Variants in ABCA12 observed in about 807,000 individuals in gnomAD.
ABCA12 encodes the protein ATP binding cassette subfamily A member 12, also known as glucosylceramide transporter ABCA12.
Under a neutral mutation model 293.5 loss-of-function variants are expected in ABCA12, and 156 were observed. The observed-to-expected ratio is 0.53, with a 90% CI of 0.47 to 0.61. The LOEUF (loss-of-function observed/expected upper bound fraction) is 0.61, where lower values mean the gene tolerates loss of function less well. Among genes scored for constraint, ABCA12 ranks in the 20% least tolerant of loss-of-function variants. The probability of loss-of-function intolerance (pLI) is 0.00; values close to 1 mark genes in which losing one functional copy is unlikely to be tolerated. For missense variants in ABCA12, 2,797 were observed against 3,090.2 expected, an observed-to-expected ratio of 0.91 and a Z score of 2.25; for synonymous variants, 1,063 against 1,108.0, an observed-to-expected ratio of 0.96 and a Z score of 0.81.
At chr2:215,119,505 T>C (rs1702756554) in intron 1 of ABCA12, among the ~76,000 whole-genome samples, 1 of 152,024 alleles carries the variant, frequency 6.6e-6, no homozygotes, top group Non-Finnish European at 1.5e-5. Flanking sequence ...ACGGGTCCAG[T>C]TTTATTCTTC....
At chr2:215,040,084 A>T (rs921111185) in intron 7 of ABCA12, among the ~76,000 whole-genome samples, 1 of 152,160 alleles carries the variant, frequency 6.6e-6, no homozygotes, top group African/African-American at 2.4e-5. Flanking sequence ...ATCAGTTTTT[A>T]AAATTTAAAT....
chr2:214,969,241 T>G (rs539647470), intron 37 of ABCA12, among the ~76,000 whole-genome samples: 2 of 152,088 alleles, frequency 1.3e-5, no homozygotes, highest in African/African-American at 4.8e-5. Flanking sequence ...TCCCCTATAT[T>G]GTCCCCAGAC....
intron 39 of ABCA12, chr2:214,963,360 G>C (rs1413521758): frequency 6.6e-6 from 1 of 151,802 alleles, no homozygotes; most frequent in Non-Finnish European, 1.5e-5. Context: ...CCAAGACTGA[G>C]CCAGGAAGAA....
chr2:214,971,883 A>G (rs538386313), intron 36 of ABCA12, among the ~76,000 whole-genome samples: 1 of 152,316 alleles, frequency 6.6e-6, no homozygotes, highest in South Asian at 2.1e-4. Context: ...GCAGAATATG[A>G]GAGTTCTGGT....
In ABCA12 at chr2:215,019,366, T is replaced by C; in HGVS notation, c.1627A>G (p.Asn543Asp). ...TTTTCAGAAGCATCTGCACTGTTAT[T>C]GACATGCAGCATGGCTTCTATGATC... ...IPIIEAMLHV[N>D]NSADASEKPG... The change falls in exon 13 of 53, where the codon AAT becomes GAT. Residue 543 changes from asparagine to aspartate, a missense_variant. This residue lies in a region of ABCA12 where 656 missense variants were observed against 638.2 expected (regional missense o/e 1.03). Transcript: ENST00000272895. 3 of 1,612,632 alleles carry C rather than the reference T, an allele frequency of 1.9e-6. No homozygotes were observed. Among genetic ancestry groups the C allele is most frequent in the Non-Finnish European group, 2.5e-6 (3 of 1,179,884 alleles).
intron 3 of ABCA12, among the ~76,000 whole-genome samples, chr2:215,061,899 T>C (rs79447264): frequency 0.043 from 6,576 of 152,140 alleles, 198 homozygotes; most frequent in Non-Finnish European, 0.066. Flanking sequence ...GATAGACAAA[T>C]ACTTCTTTAG....
intron 11 of ABCA12, among the ~76,000 whole-genome samples, chr2:215,021,089 T>C (rs1047687613): frequency 6.6e-6 from 1 of 152,210 alleles, no homozygotes; most frequent in African/African-American, 2.4e-5. Flanking sequence ...GCTGAAGCCA[T>C]CTGCCGGCCT....
intron 42 of ABCA12, 94 bp from the exon 43 acceptor site, chr2:214,955,455 G>A (rs775267889): frequency 2.8e-4 from 368 of 1,297,994 alleles, no homozygotes; most frequent in Admixed American, 7.7e-4. Context: ...GCTGAGGCAG[G>A]TGGATCACTT....
intron 29 of ABCA12, among the ~76,000 whole-genome samples, chr2:214,982,613 C>T (rs1053810768): frequency 5.9e-5 from 9 of 151,918 alleles, no homozygotes; most frequent in African/African-American, 2.2e-4. Context: ...ATGTACTTTA[C>T]AAAGTACAAA....
At chr2:215,089,019 A>C (rs1702090614) in intron 2 of ABCA12, among the ~76,000 whole-genome samples, 2 of 152,168 alleles carry the variant, frequency 1.3e-5, no homozygotes, top group South Asian at 4.1e-4. Context: ...GATAAATGCC[A>C]GGCACATTGA....
intron 30 of ABCA12, among the ~76,000 whole-genome samples, chr2:214,981,977 TA>T (rs1559128757): frequency 1.4e-5 from 2 of 144,288 alleles, no homozygotes; most frequent in African/African-American, 5.1e-5. Context: ...TTATTATTAT[TA>T]TTATTATTTT....
chr2:215,120,648 T>G lies in ABCA12; in HGVS notation c.70-8958A>C, dbSNP rs184361105. Among the ~76,000 whole-genome samples the G allele has an allele frequency of 5.3e-5, 8 of 152,296 alleles. No homozygotes were observed. In the South Asian group the frequency reaches 1.7e-3, roughly 32 times the overall value. On this transcript the variant is annotated intron_variant, in intron 1 of 52. Transcript: ENST00000272895. ...GGAACAGAAATAAGTCCAGAATGACTGGTACGTTGAGACTTAGGGAAAATA... is the reference window on the plus strand; with the variant it reads ...GGAACAGAAATAAGTCCAGAATGACGGGTACGTTGAGACTTAGGGAAAATA...
intron 2 of ABCA12, among the ~76,000 whole-genome samples, chr2:215,102,577 C>T (rs555120812): frequency 8.5e-5 from 13 of 152,208 alleles, no homozygotes; most frequent in East Asian, 7.7e-4. Flanking sequence ...CCAGTCTGGG[C>T]GATAGAGCAA....
chr2:215,054,037 G>A (rs1448350845), intron 4 of ABCA12, among the ~76,000 whole-genome samples: 1 of 152,050 alleles, frequency 6.6e-6, no homozygotes, highest in African/African-American at 2.4e-5. Flanking sequence ...TGTGAAGCAA[G>A]TCCACAGTCA....
chr2:215,031,815 A>T lies in ABCA12; in HGVS notation c.1061+6T>A, dbSNP rs745616748. 1.9e-6 allele frequency: 3 copies of T among 1,613,814 alleles called. No individual in the cohort carries two copies. Among genetic ancestry groups the T allele is most frequent in the East Asian group, 4.5e-5 (2 of 44,866 alleles). Reference sequence around the variant, plus strand: ...TCTACCTATTTAGAAATAAACAAAGACTTACTGTGCAGCCAGACTGCTTGG... The same window carrying T: ...TCTACCTATTTAGAAATAAACAAAGTCTTACTGTGCAGCCAGACTGCTTGG... On this transcript the variant is annotated splice_donor_region_variant and intron_variant, in intron 9 of 52. Coordinates refer to ENST00000272895, the MANE Select transcript of ABCA12 (RefSeq NM_173076.3).
intron 9 of ABCA12, among the ~76,000 whole-genome samples, chr2:215,031,161 C>T (rs1443972631): frequency 6.6e-6 from 1 of 152,172 alleles, no homozygotes; most frequent in Non-Finnish European, 1.5e-5. Context: ...TTTCCACTGC[C>T]TATTCCCGGG....
Position 215,018,018 on chromosome 2 carries a change from T to C in ABCA12, c.1772A>G (p.Asn591Ser). The change falls in exon 14 of 53, where the codon AAT (asparagine) becomes AGT (serine). Residue 591 changes from asparagine to serine, a missense_variant. Physicochemically the swap from Asn to Ser is conservative, Grantham distance 46 (BLOSUM62 1). Around this residue, in one of 3 missense-constraint regions of ABCA12, gnomAD observed 2,130 missense variants for 2,427.0 expected, o/e 0.88. Transcript: ENST00000272895. ...DKLLAIPIPD[N>S]RAEIISQVFW... ...CACATGACACCCCACCTCAGCTCTATTATCAGGGATGGGAATGGCCAGCAA... is the reference window on the plus strand; with the variant it reads ...CACATGACACCCCACCTCAGCTCTACTATCAGGGATGGGAATGGCCAGCAA... 6.2e-7 allele frequency: 1 copy of C among 1,614,108 alleles called. No individual in the cohort carries two copies. Among genetic ancestry groups the C allele is most frequent in the Non-Finnish European group, 8.5e-7 (1 of 1,180,012 alleles).
chr2:214,979,006 G>T lies in ABCA12; in HGVS notation c.4775C>A (p.Thr1592Asn). 6.2e-7 allele frequency: 1 copy of T among 1,614,058 alleles called. No individual in the cohort carries two copies. Among genetic ancestry groups the T allele is most frequent in the Non-Finnish European group, 8.5e-7 (1 of 1,179,980 alleles). Residue 1592 changes from threonine (T) to asparagine (N), a missense_variant, in exon 32 of 53, where the codon ACC becomes AAC. Thr to Asn is a moderately conservative substitution (Grantham distance 65). Coordinates refer to ENST00000272895, the MANE Select transcript of ABCA12 (RefSeq NM_173076.3). ...PNLNANAVCDTMAVTAMIQSH... is the reference protein window; with the variant it reads ...PNLNANAVCDNMAVTAMIQSH... ...TTGGATCATTGCTGTCACGGCCATGGTGTCACATACTGCATTTGCATTTAA... is the reference window on the plus strand; with the variant it reads ...TTGGATCATTGCTGTCACGGCCATGTTGTCACATACTGCATTTGCATTTAA...
intron 35 of ABCA12, 82 bp downstream of exon 35, chr2:214,974,696 C>T (rs995893841): frequency 1.5e-6 from 2 of 1,318,042 alleles, no homozygotes; most frequent in African/African-American, 1.5e-5. Context: ...AGGCAAATAA[C>T]AGACACACAC....
Sources: allele counts gnomAD v4.1 joint callset (sites outside exome capture counted in the v4.1 genomes callset), GRCh38; gene constraint gnomAD v4.1.1; regional missense constraint gnomAD v4.1.1; transcripts MANE v1.5; gene names NCBI Gene and HGNC (gene_info 2026-07-23, HGNC 2026-07-21).